Variants in GRIK4 observed in about 807,000 individuals in gnomAD.
GRIK4 encodes the protein glutamate ionotropic receptor kainate type subunit 4, also known as glutamate receptor ionotropic, kainate 4.
Under a neutral mutation model 104.9 loss-of-function variants are expected in GRIK4, and 40 were observed. That is an observed-to-expected ratio of 0.38 (90% CI 0.30 to 0.50). The LOEUF is 0.50. Among genes scored for constraint, GRIK4 ranks in the 20% least tolerant of loss-of-function variants. GRIK4 has a pLI of 0.93. For missense variants in GRIK4, 1,047 were observed against 1,308.1 expected (o/e 0.80, Z 3.08); for synonymous variants, 485 against 524.9 (o/e 0.92, Z 1.04).
At chr11:120,683,237 G>A (rs896411602) in intron 3 of GRIK4, among the ~76,000 whole-genome samples, 9 of 152,162 alleles carry the variant, frequency 5.9e-5, no homozygotes, top group Non-Finnish European at 1.3e-4. Flanking sequence ...GGCTTGGAGG[G>A]TAACAATGGA....
chr11:120,871,438 C>G (rs1954606628), intron 9 of GRIK4: 2 of 362,688 alleles, frequency 5.5e-6, no homozygotes, highest in Admixed American at 7.0e-5. Flanking sequence ...AGCAGGGAAG[C>G]AGAGAAGAGA....
At chr11:120,808,125 T>G (rs573520793) in intron 4 of GRIK4, among the ~76,000 whole-genome samples, 1 of 152,250 alleles carries the variant, frequency 6.6e-6, no homozygotes, top group Admixed American at 6.5e-5. Context: ...TGGGATGCAG[T>G]GACAGACAGT....
chr11:120,933,196 G>A (rs1014641184), intron 13 of GRIK4, among the ~76,000 whole-genome samples: 2 of 152,228 alleles, frequency 1.3e-5, no homozygotes, highest in African/African-American at 2.4e-5. Flanking sequence ...CAGGTCACCC[G>A]GGAAAGGCCG....
intron 13 of GRIK4, among the ~76,000 whole-genome samples, chr11:120,915,239 G>A (rs545502536): frequency 2.6e-5 from 4 of 152,098 alleles, no homozygotes; most frequent in African/African-American, 7.2e-5. Context: ...AGGGGCCAGC[G>A]CGCTGGACTG....
rs571569608 is a variant in GRIK4, at chr11:120,695,516, C to T, written c.82+35116C>T. On this transcript the variant is annotated intron_variant, in intron 3 of 20. Transcript: ENST00000527524. The stretch of plus-strand genomic sequence containing the variant: ...CCATATCAAGATGTTAGCATTTCAG[C>T]GCCAAGGACACTTGAGGCCACGCTT... Among the ~76,000 whole-genome samples the T allele has an allele frequency of 4.2e-3, 645 of 152,350 alleles. 7 individuals are homozygous for T. Among genetic ancestry groups the T allele is most frequent in the African/African-American group, 0.015 (612 of 41,570 alleles).
At position 120,513,947 on chromosome 11, in the gene GRIK4, G is replaced by A. The variant is rs1327269166; in HGVS notation, c.-159+2060G>A. On this transcript the variant is annotated intron_variant, in intron 1 of 20. Coordinates refer to ENST00000527524, the MANE Select transcript of GRIK4 (RefSeq NM_014619.5). The surrounding 1 kb of genome is among the most constrained non-coding windows in gnomAD (Gnocchi z 4.5). ...TGATTTCCACTTTGGTTTTCCCTTA[G>A]GATGGAGAGGGAACTTTAGTACCGG... 6.6e-6 allele frequency among the ~76,000 whole-genome samples: 1 copy of A among 152,132 alleles called. No individual in the cohort carries two copies. Among genetic ancestry groups the A allele is most frequent in the Non-Finnish European group, 1.5e-5 (1 of 68,028 alleles).
intron 3 of GRIK4, among the ~76,000 whole-genome samples, chr11:120,726,313 T>C (rs549337214): frequency 1.3e-5 from 2 of 152,300 alleles, no homozygotes; most frequent in African/African-American, 4.8e-5. Flanking sequence ...ATGGGGATGA[T>C]ATATCTGAGT....
At chr11:120,744,862 A>C (rs2135414374) in intron 3 of GRIK4, among the ~76,000 whole-genome samples, 1 of 152,344 alleles carries the variant, frequency 6.6e-6, no homozygotes, top group Middle Eastern at 3.4e-3. Flanking sequence ...ACAGCAATGA[A>C]TATATCAAAA....
intron 11 of GRIK4, among the ~76,000 whole-genome samples, chr11:120,892,641 G>A (rs979856008): frequency 3.3e-5 from 5 of 152,136 alleles, no homozygotes; most frequent in Non-Finnish European, 1.5e-5. Context: ...TGGCCCCTGG[G>A]TGCAGGACTT....
In GRIK4 at chr11:120,986,233, AACC is replaced by A; in HGVS notation, c.2849_2851del (p.Thr950del). The A allele has an allele frequency of 1.3e-6, 2 of 1,571,610 alleles. No homozygotes were observed. Among genetic ancestry groups the A allele is most frequent in the African/African-American group, 1.4e-5 (1 of 71,494 alleles). Reference sequence around the variant, plus strand: ...GCGAGGAGAGCCTGGAGTGGGAGAAAACCACCAACAGCAGCGAGCCCGAGTAGT... The same window carrying A: ...GCGAGGAGAGCCTGGAGTGGGAGAAAACCAACAGCAGCGAGCCCGAGTAGT... On this transcript the variant is annotated inframe_deletion, in exon 21 of 21. Transcript: ENST00000527524.
chr11:120,895,768 A>T (rs1268829764), intron 11 of GRIK4, among the ~76,000 whole-genome samples: 2 of 152,144 alleles, frequency 1.3e-5, no homozygotes, highest in Admixed American at 1.3e-4. Context: ...ACATGTAACT[A>T]CTCGAAAGGG....
chr11:120,696,238 T>C (rs577593907), intron 3 of GRIK4, among the ~76,000 whole-genome samples: 57 of 149,424 alleles, frequency 3.8e-4, no homozygotes, highest in Middle Eastern at 3.4e-3. Context: ...TCTGCAGGGG[T>C]TGCCCGTGAG....
chr11:120,822,148 T>C (rs1471275038), intron 6 of GRIK4, among the ~76,000 whole-genome samples: 2 of 144,534 alleles, frequency 1.4e-5, no homozygotes, highest in African/African-American at 5.2e-5. Context: ...GAGGTGGAGG[T>C]TGCAGTGAGC....
intron 1 of GRIK4, among the ~76,000 whole-genome samples, chr11:120,595,865 G>A (rs747770791): frequency 3.3e-5 from 5 of 152,264 alleles, no homozygotes; most frequent in African/African-American, 9.6e-5. Context: ...TCTATTTTTC[G>A]AGATGGAGTC....
intron 3 of GRIK4, among the ~76,000 whole-genome samples, chr11:120,689,183 A>G (rs1950318443): frequency 6.6e-6 from 1 of 152,062 alleles, no homozygotes; most frequent in Non-Finnish European, 1.5e-5. Flanking sequence ...TACAATATTG[A>G]GATAACACGG....
intron 1 of GRIK4, among the ~76,000 whole-genome samples, chr11:120,533,138 G>C (rs1173885095): frequency 2.0e-5 from 3 of 152,202 alleles, no homozygotes; most frequent in African/African-American, 7.2e-5. Context: ...CTGCACTGCA[G>C]TTGGAACTGC....
intron 19 of GRIK4, among the ~76,000 whole-genome samples, chr11:120,978,643 G>C (rs1944601454): frequency 6.6e-6 from 1 of 152,172 alleles, no homozygotes; most frequent in Non-Finnish European, 1.5e-5. Context: ...CCAAGCAAGA[G>C]ATGGTGGGTG....
Position 120,597,672 on chromosome 11 carries a change from T to C in GRIK4, c.-158-56013T>C, listed in dbSNP as rs7943200. Among the ~76,000 whole-genome samples, 963 of 152,336 alleles carry C rather than the reference T, an allele frequency of 6.3e-3. 3 individuals are homozygous for C. The highest frequency in any genetic ancestry group is 0.022 in the African/African-American group (895 of 41,562). On this transcript the variant is annotated intron_variant, in intron 1 of 20. Transcript: ENST00000527524. The stretch of plus-strand genomic sequence containing the variant: ...GTGGGGGTCCTGAGGTGGTGGGCCA[T>C]GCGTGCTGCCTGTTCAGTGCAGCCC...
chr11:120,797,294 G>A (rs946435072), intron 3 of GRIK4, among the ~76,000 whole-genome samples: 2 of 152,176 alleles, frequency 1.3e-5, no homozygotes, highest in African/African-American at 2.4e-5. Flanking sequence ...AGGATGTGCC[G>A]TATCATATTA....
Sources: allele counts gnomAD v4.1 joint callset (sites outside exome capture counted in the v4.1 genomes callset), GRCh38; gene constraint gnomAD v4.1.1; non-coding constraint Gnocchi (gnomAD v3.1); transcripts MANE v1.5; gene names NCBI Gene and HGNC (gene_info 2026-07-23, HGNC 2026-07-21).